PRKN: variants seen among roughly 807,000 people sequenced by gnomAD.
PRKN encodes the protein E3 ubiquitin-protein ligase parkin.
In PRKN, 56 loss-of-function variants were observed where a neutral mutation model predicts 59.5. The ratio of observed to expected loss-of-function variants is 0.94; its 90% CI spans 0.76 to 1.18. PRKN has a LOEUF of 1.18. Among genes scored for constraint, PRKN ranks in the 50% most tolerant of loss-of-function variants. The pLI is 0.00. For synonymous variants in PRKN, 250 were observed against 222.1 expected, an observed-to-expected ratio of 1.13 and a Z score of -1.12; for missense variants, 657 against 596.4, an observed-to-expected ratio of 1.10 and a Z score of -1.06.
intron 2 of PRKN, among the ~76,000 whole-genome samples, chr6:162,427,468 T>C (rs1290669464): frequency 6.6e-6 from 1 of 152,186 alleles, no homozygotes. Context: ...TGGTATGCTA[T>C]TCATTAGTGA....
At chr6:162,364,216 A>G (rs895912651) in intron 2 of PRKN, among the ~76,000 whole-genome samples, 1 of 152,228 alleles carries the variant, frequency 6.6e-6, no homozygotes, top group African/African-American at 2.4e-5. Context: ...CTGGTATTCA[A>G]TGTATCCAAA....
intron 4 of PRKN, among the ~76,000 whole-genome samples, chr6:162,102,708 A>C (rs1780022673): frequency 6.9e-6 from 1 of 145,098 alleles, no homozygotes; most frequent in Non-Finnish European, 1.5e-5. Context: ...TAGAAGAAAT[A>C]GAGGGCATGG....
chr6:161,540,816 A>G (rs1033634879), intron 9 of PRKN, among the ~76,000 whole-genome samples: 1 of 152,132 alleles, frequency 6.6e-6, no homozygotes, highest in African/African-American at 2.4e-5. Context: ...ATAGGAAAGA[A>G]ATTGGTTTAA....
chr6:161,642,372 ATTTCTTTGGTATGTG>A (rs2128158910), intron 7 of PRKN, among the ~76,000 whole-genome samples: 1 of 152,206 alleles, frequency 6.6e-6, no homozygotes, highest in East Asian at 1.9e-4. Flanking sequence ...TGCTTATTGC[ATTTCTTTGGTATGTG>A]ACAGAAAAAT....
At chr6:161,825,722 C>A (rs1792217285) in intron 6 of PRKN, among the ~76,000 whole-genome samples, 1 of 152,168 alleles carries the variant, frequency 6.6e-6, no homozygotes, top group South Asian at 2.1e-4. Flanking sequence ...TGTCTGCTCC[C>A]CCCGGGACAC....
chr6:162,110,851 C>A (rs1049967356), intron 4 of PRKN, among the ~76,000 whole-genome samples: 5 of 152,148 alleles, frequency 3.3e-5, no homozygotes, highest in Non-Finnish European at 7.3e-5. Context: ...AACGGTCTTG[C>A]CACACATGCT....
At chr6:161,350,292 C>A in intron 11 of PRKN, 81 bp from the exon 12 acceptor site, 2 of 875,298 alleles carry the variant, frequency 2.3e-6, no homozygotes. Context: ...AGCACGCTAG[C>A]CTAGACATCA....
intron 9 of PRKN, among the ~76,000 whole-genome samples, chr6:161,523,745 G>A (rs1236220511): frequency 6.6e-6 from 1 of 152,148 alleles, no homozygotes; most frequent in African/African-American, 2.4e-5. Flanking sequence ...TGGAAAGTAA[G>A]TATTTATCTT....
chr6:162,694,247 A>C (rs1334342479), intron 1 of PRKN, among the ~76,000 whole-genome samples: 2 of 151,758 alleles, frequency 1.3e-5, no homozygotes, highest in Admixed American at 6.6e-5. Context: ...AAAAAAAAAA[A>C]AAAAAAAAAA....
intron 1 of PRKN, among the ~76,000 whole-genome samples, chr6:162,521,682 C>T (rs900214591): frequency 9.2e-5 from 14 of 151,982 alleles, no homozygotes; most frequent in South Asian, 8.3e-4. Context: ...ATGTGTATAA[C>T]GTACATATAT....
chr6:162,712,501 G>T (rs1333182251), intron 1 of PRKN, among the ~76,000 whole-genome samples: 1 of 152,192 alleles, frequency 6.6e-6, no homozygotes, highest in Non-Finnish European at 1.5e-5. Context: ...AGATTCAGGG[G>T]CAAAGGAACT....
intron 7 of PRKN, among the ~76,000 whole-genome samples, chr6:161,603,920 T>C (rs1782188910): frequency 6.6e-6 from 1 of 152,200 alleles, no homozygotes; most frequent in African/African-American, 2.4e-5. Flanking sequence ...TGAGTGTCCA[T>C]GCATCTCAAT....
At chr6:161,587,363 G>C (rs547867149) in intron 7 of PRKN, among the ~76,000 whole-genome samples, 45 of 152,114 alleles carry the variant, frequency 3.0e-4, no homozygotes, top group Non-Finnish European at 5.6e-4. Flanking sequence ...TAAATTTCCA[G>C]TATAGTTTAC....
At chr6:162,003,230 T>C (rs1782127153) in intron 5 of PRKN, among the ~76,000 whole-genome samples, 1 of 149,290 alleles carries the variant, frequency 6.7e-6, no homozygotes, top group Non-Finnish European at 1.5e-5. Flanking sequence ...AAAAAAAATT[T>C]GGACATGTCC....
chr6:162,719,573 T>C (rs1394394367), intron 1 of PRKN, among the ~76,000 whole-genome samples: 2 of 152,212 alleles, frequency 1.3e-5, no homozygotes, highest in African/African-American at 4.8e-5. Flanking sequence ...GGACTGGATT[T>C]GCCTGGAAGG....
chr6:161,496,288 C>G (rs1434138779), intron 9 of PRKN, among the ~76,000 whole-genome samples: 2 of 152,140 alleles, frequency 1.3e-5, no homozygotes, highest in Non-Finnish European at 2.9e-5. Context: ...ATGCTGATGT[C>G]CTAACACCCA....
chr6:162,087,350 T>C (rs1779284708), intron 4 of PRKN, among the ~76,000 whole-genome samples: 1 of 151,856 alleles, frequency 6.6e-6, no homozygotes, highest in African/African-American at 2.4e-5. Flanking sequence ...AATAAAAGAG[T>C]TGAGAACATG....
chr6:162,113,850 C>T (rs186614596), intron 4 of PRKN, among the ~76,000 whole-genome samples: 6,629 of 152,088 alleles, frequency 0.044, 184 homozygotes, highest in Middle Eastern at 0.065. Context: ...GGTTTTAGGT[C>T]TAACGTTTAA....
intron 3 of PRKN, among the ~76,000 whole-genome samples, chr6:162,249,421 T>C (rs1325043031): frequency 6.6e-6 from 1 of 152,168 alleles, no homozygotes; most frequent in Non-Finnish European, 1.5e-5. Flanking sequence ...AGCGGCACGC[T>C]AGTCCGGAAA....
Sources: allele counts gnomAD v4.1 joint callset (sites outside exome capture counted in the v4.1 genomes callset), GRCh38; gene constraint gnomAD v4.1.1; transcripts MANE v1.5; gene names NCBI Gene and HGNC (gene_info 2026-07-23, HGNC 2026-07-21).